The following SLC7A11 variants were observed in gnomAD, a reference collection of about 807,000 sequenced individuals.
SLC7A11 encodes solute carrier family 7 member 11, also known as cystine/glutamate transporter.
In SLC7A11, 35 loss-of-function variants were observed where a neutral mutation model predicts 54.5. The ratio of observed to expected loss-of-function variants is 0.64; its 90% CI spans 0.49 to 0.85. The LOEUF (loss-of-function observed/expected upper bound fraction) is 0.85, where lower values mean the gene tolerates loss of function less well. SLC7A11 is among the 40% of genes least tolerant of loss of function. SLC7A11 has a pLI of 0.00. For synonymous variants in SLC7A11, 230 were observed against 225.2 expected (o/e 1.02, Z -0.19); for missense variants, 583 against 618.1 (o/e 0.94, Z 0.60).
chr4:138,207,871 C>G (rs182651559), intron 6 of SLC7A11, among the ~76,000 whole-genome samples: 11 of 152,014 alleles, frequency 7.2e-5, no homozygotes, highest in African/African-American at 2.4e-4. Context: ...ACTCAGGTAA[C>G]GGTTATAAAA....
chr4:138,188,116 T>C (rs759011872), intron 6 of SLC7A11, among the ~76,000 whole-genome samples: 4 of 152,148 alleles, frequency 2.6e-5, no homozygotes, highest in Admixed American at 1.3e-4. Flanking sequence ...CAGACTTGAG[T>C]GCAGGGGCAC....
intron 5 of SLC7A11, 37 bp from the exon 6 acceptor site, chr4:138,214,666 AT>A: frequency 2.6e-6 from 2 of 775,642 alleles, no homozygotes; most frequent in South Asian, 5.0e-5. Flanking sequence ...CTATTAATAT[AT>A]TTTACCATTA....
At position 138,183,059 on chromosome 4, in the gene SLC7A11, A is replaced by T; in HGVS notation, c.1019+143T>A. ...GGACAGAATAAAACGTGCTGTTGAT[A>T]CTTGGACCAATATTTCAATCTTGCA... On this transcript the variant is annotated intron_variant, in intron 8 of 11. Coordinates refer to ENST00000280612, the MANE Select transcript of SLC7A11 (RefSeq NM_014331.4). The T allele has an allele frequency of 3.2e-6, 2 of 631,564 alleles. 1 individual carries two copies. The highest frequency in any genetic ancestry group is 5.7e-6 in the Non-Finnish European group (2 of 351,772). The allele number at this position is 631,564 out of a possible 1,614,324, so 39.1% of individuals were successfully genotyped here.
At chr4:138,214,287 A>C (rs1737627259) in intron 6 of SLC7A11, among the ~76,000 whole-genome samples, 2 of 152,036 alleles carry the variant, frequency 1.3e-5, no homozygotes, top group South Asian at 4.1e-4. Flanking sequence ...GTATGTGTTT[A>C]TATGGGATAG....
At position 138,180,623 on chromosome 4, in the gene SLC7A11, C is replaced by G. The variant is rs760863579; in HGVS notation, c.1266+18G>C. The G allele has an allele frequency of 1.4e-5, 23 of 1,611,290 alleles. No homozygotes were observed. In the East Asian group the frequency reaches 3.4e-4, roughly 23 times the overall value. On this transcript the variant is annotated intron_variant, in intron 10 of 11. Transcript: ENST00000280612. ...AGGAGAGAGATTTATGTAAACCCATCAAGATTGCTGAGGTTACCTTGAAAG... is the reference window on the plus strand; with the variant it reads ...AGGAGAGAGATTTATGTAAACCCATGAAGATTGCTGAGGTTACCTTGAAAG...
chr4:138,192,035 A>G (rs1370030055), intron 6 of SLC7A11, among the ~76,000 whole-genome samples: 3 of 152,150 alleles, frequency 2.0e-5, no homozygotes, highest in Admixed American at 2.0e-4. Flanking sequence ...TTTTAAAAAA[A>G]TTTATTATTT....
At chr4:138,173,375 C>A (rs140047135) in intron 11 of SLC7A11, among the ~76,000 whole-genome samples, 3,146 of 152,132 alleles carry the variant, frequency 0.021, 46 homozygotes, top group Non-Finnish European at 0.029. Context: ...TGGCTCATGT[C>A]TGCAATCCCA....
intron 5 of SLC7A11, among the ~76,000 whole-genome samples, chr4:138,215,009 G>A (rs1476040457): frequency 6.6e-6 from 1 of 152,068 alleles, no homozygotes; most frequent in African/African-American, 2.4e-5. Context: ...CACCCAACTT[G>A]AACCTTTAAG....
At chr4:138,190,994 TG>T (rs1349692753) in intron 6 of SLC7A11, among the ~76,000 whole-genome samples, 31 of 152,216 alleles carry the variant, frequency 2.0e-4, no homozygotes, top group South Asian at 8.3e-4. Flanking sequence ...TTCTACTGAG[TG>T]GGAATTTGGC....
At position 138,214,599 on chromosome 4, in the gene SLC7A11, T is replaced by C; in HGVS notation, c.777A>G (p.Val259=). The C allele has an allele frequency of 6.9e-7, 1 of 1,448,202 alleles. No homozygotes were observed. Among genetic ancestry groups the C allele is most frequent in the Non-Finnish European group, 9.4e-7 (1 of 1,065,514 alleles). The allele number at this position is 1,448,202 out of a possible 1,614,324, so 89.7% of individuals were successfully genotyped here. The part of the protein sequence containing the change: ...WFYLNFVTEE[V]ENPEKTIPLA... ...TGGCTACTTACTTTTCAGGGTTTTCTACTTCTTCAGTAACAAAGTTGAGGT... is the reference window on the plus strand; with the variant it reads ...TGGCTACTTACTTTTCAGGGTTTTCCACTTCTTCAGTAACAAAGTTGAGGT... Residue 259 remains valine (V), a synonymous_variant, in exon 6 of 12, where the codon GTA becomes GTG. Transcript: ENST00000280612.
chr4:138,232,226 T>C (rs1243880279), intron 3 of SLC7A11, 41 bp downstream of exon 3: 1 of 1,258,884 alleles, frequency 7.9e-7, no homozygotes. Flanking sequence ...ATCATTTTTG[T>C]GTTGTTTTTC....
chr4:138,176,063 C>G (rs1736563403), intron 11 of SLC7A11: 1 of 152,102 alleles, frequency 6.6e-6, no homozygotes, highest in Non-Finnish European at 1.5e-5. Context: ...GGAGAAGGGA[C>G]AGGGCGCTGC....
In SLC7A11 at chr4:138,242,329, G is replaced by A; in HGVS notation, c.-260C>T. On this transcript the variant is annotated 5_prime_UTR_variant, in exon 1 of 12. The change creates a premature stop within an existing upstream ORF in the 5' untranslated region. Transcript: ENST00000280612. ...CACCACTGCTGCTGCTGCTGCTGCTGCCGCCCTATCATTACAAACCAGCTC... is the reference window on the plus strand; with the variant it reads ...CACCACTGCTGCTGCTGCTGCTGCTACCGCCCTATCATTACAAACCAGCTC... The A allele has an allele frequency of 1.9e-6, 1 of 516,706 alleles. No homozygotes were observed. 32.0% of individuals were successfully genotyped at this position (516,706 alleles called of 1,614,324 possible).
rs776128194 is a variant in SLC7A11 at position 138,180,746 on chromosome 4, A to C, written c.1161T>G (p.Ser387Arg). The part of the protein sequence containing the change: ...MIMLFSGDLD[S>R]LLNFLSFARW... The stretch of plus-strand genomic sequence containing the variant: ...TGGCAAAACTGAGGAAATTCAAAAG[A>C]CTGTCGAGGTCTCCAGAGAAGAGCA... Residue 387 changes from serine to arginine, a missense_variant, in exon 10 of 12, where the codon AGT becomes AGG. Coordinates refer to ENST00000280612, the MANE Select transcript of SLC7A11 (RefSeq NM_014331.4). 1 of 1,612,976 alleles carries C rather than the reference A, an allele frequency of 6.2e-7. No homozygotes were observed. The highest frequency in any genetic ancestry group is 8.5e-7 in the Non-Finnish European group (1 of 1,179,418).
intron 6 of SLC7A11, among the ~76,000 whole-genome samples, chr4:138,205,762 A>C (rs1477620879): frequency 6.6e-6 from 1 of 152,018 alleles, no homozygotes; most frequent in Non-Finnish European, 1.5e-5. Flanking sequence ...AATATGAATG[A>C]GGGGTGCTAT....
intron 6 of SLC7A11, among the ~76,000 whole-genome samples, chr4:138,198,287 A>C (rs1041517473): frequency 2.0e-5 from 3 of 152,130 alleles, no homozygotes; most frequent in Non-Finnish European, 4.4e-5. Flanking sequence ...AAGTTTTGTA[A>C]GCTGTGATCA....
intron 2 of SLC7A11, among the ~76,000 whole-genome samples, chr4:138,234,680 GAATA>G (rs950944370): frequency 2.0e-5 from 3 of 152,110 alleles, no homozygotes; most frequent in East Asian, 1.9e-4. Context: ...GCAGTTTGTG[GAATA>G]AATAAATTAA....
intron 2 of SLC7A11, among the ~76,000 whole-genome samples, chr4:138,234,830 G>A (rs934548635): frequency 1.3e-5 from 2 of 152,204 alleles, no homozygotes; most frequent in Non-Finnish European, 2.9e-5. Context: ...AAGTCCAACT[G>A]TATTAAGCTC....
rs1186120021 is a variant in SLC7A11 at position 138,183,304 on chromosome 4, G to T, written c.917C>A (p.Thr306Asn). The change falls in exon 8 of 12, where the codon ACC becomes AAC. Residue 306 changes from threonine to asparagine, a missense_variant and splice_region_variant. By Grantham distance (65) the Thr-to-Asn change is moderately conservative. Transcript: ENST00000280612. ...ATTTCCCAGTAGCCGCTCAGAAAAG[G>T]TCTAGTGAAAGAAAGAACGAAGCAA... ...ELLLSNAVAVTFSERLLGNFS... is the reference protein window; with the variant it reads ...ELLLSNAVAVNFSERLLGNFS... The T allele has an allele frequency of 1.2e-6, 2 of 1,605,750 alleles. No homozygotes were observed. Among genetic ancestry groups the T allele is most frequent in the Non-Finnish European group, 1.7e-6 (2 of 1,174,208 alleles).
Sources: gnomAD v4.1 joint callset for allele counts (sites outside exome capture counted in the v4.1 genomes callset) on GRCh38, gnomAD v4.1.1 for gene constraint, MANE v1.5 for transcripts, NCBI Gene and HGNC (gene_info 2026-07-23, HGNC 2026-07-21) for gene names.